The following PSME4 variants were observed in gnomAD, a reference collection of about 807,000 sequenced individuals.
The protein encoded by PSME4 is proteasome activator complex subunit 4.
A neutral mutation model predicts 253.9 loss-of-function variants in PSME4; 89 were observed. The ratio of observed to expected loss-of-function variants is 0.35; its 90% CI spans 0.30 to 0.42. PSME4 has a LOEUF of 0.42. Ranked by LOEUF, PSME4 falls within the 10% of genes least tolerant of loss-of-function variation. PSME4 has a pLI of 1.00. For missense variants in PSME4, 2,014 were observed against 2,195.2 expected, an observed-to-expected ratio of 0.92 and a Z score of 1.65; for synonymous variants, 851 against 759.2, an observed-to-expected ratio of 1.12 and a Z score of -1.99.
intron 37 of PSME4, 56 bp from the exon 38 acceptor site, chr2:53,888,868 A>C (rs1369516160): frequency 7.8e-7 from 1 of 1,280,980 alleles, no homozygotes; most frequent in Non-Finnish European, 1.1e-6. Flanking sequence ...TCTGTAAACA[A>C]ATCATACTCA....
intron 3 of PSME4, among the ~76,000 whole-genome samples, chr2:53,940,287 A>T (rs1455043683): frequency 1.3e-5 from 2 of 152,168 alleles, no homozygotes; most frequent in African/African-American, 4.8e-5. Flanking sequence ...CAAGGTAGGC[A>T]GCAATGACCA....
At chr2:53,906,131 T>G (rs1228052263) in intron 26 of PSME4, among the ~76,000 whole-genome samples, 1 of 152,212 alleles carries the variant, frequency 6.6e-6, no homozygotes, top group Non-Finnish European at 1.5e-5. Flanking sequence ...GATAATCTCT[T>G]GTTCCTACAC....
At chr2:53,929,441 C>T (rs779088408) in intron 10 of PSME4, among the ~76,000 whole-genome samples, 1 of 151,958 alleles carries the variant, frequency 6.6e-6, no homozygotes, top group South Asian at 2.1e-4. Context: ...TACTGGCAAA[C>T]GTTACCACTC....
intron 3 of PSME4, among the ~76,000 whole-genome samples, chr2:53,945,161 C>T (rs1022012070): frequency 1.3e-5 from 2 of 152,028 alleles, no homozygotes; most frequent in African/African-American, 4.8e-5. Context: ...AAAAGCATAC[C>T]TATGCATAAT....
chr2:53,948,416 C>G lies in PSME4; in HGVS notation c.500+5G>C, dbSNP rs1216752423. On this transcript the variant is annotated splice_donor_5th_base_variant and intron_variant, in intron 3 of 46. Transcript: ENST00000404125. ...CAAATAAGTGCTTTAAATGGAAATA[C>G]TTACTTAGGAAACCAATTTAATCCT... is the stretch of plus-strand genomic sequence containing the variant. 1 of 1,575,772 alleles carries G rather than the reference C, an allele frequency of 6.3e-7. No individual in the cohort carries two copies. Among genetic ancestry groups the G allele is most frequent in the Non-Finnish European group, 8.7e-7 (1 of 1,146,040 alleles).
intron 1 of PSME4, among the ~76,000 whole-genome samples, chr2:53,958,665 C>G (rs1168951391): frequency 1.3e-5 from 2 of 151,512 alleles, no homozygotes; most frequent in East Asian, 3.9e-4. Context: ...GAATCTAGAT[C>G]AAAAGAATAG....
At chr2:53,881,334 A>G (rs1459287698) in intron 41 of PSME4, 1 of 152,190 alleles carries the variant, frequency 6.6e-6, no homozygotes, top group Non-Finnish European at 1.5e-5. Context: ...GATTTTGATG[A>G]GCATTTTCTG....
rs576257567 is a variant in PSME4, at chr2:53,961,687, G to T, written c.242+8856C>A. 2.0e-5 allele frequency among the ~76,000 whole-genome samples: 3 copies of T among 152,148 alleles called. No individual in the cohort carries two copies. The East Asian group carries it at 5.8e-4, about 29-fold the overall frequency. ...AGCAAGACTGTCTAAAAATAAGGGG[G>T]GGAAGGGGGATGTTTGAAATGCTCA... On this transcript the variant is annotated intron_variant, in intron 1 of 46. Transcript: ENST00000404125.
intron 1 of PSME4, among the ~76,000 whole-genome samples, chr2:53,954,349 AAG>A (rs1316088158): frequency 6.6e-6 from 1 of 151,746 alleles, no homozygotes; most frequent in Non-Finnish European, 1.5e-5. Context: ...GAAAGAAAGA[AAG>A]ACAGTGGGCT....
At chr2:53,950,915 T>C (rs1017256264) in intron 1 of PSME4, among the ~76,000 whole-genome samples, 6 of 151,816 alleles carry the variant, frequency 4.0e-5, no homozygotes, top group Non-Finnish European at 8.8e-5. Flanking sequence ...ATTTAAGAAT[T>C]CAGAAGTAAC....
At chr2:53,875,528 A>G in intron 42 of PSME4, 99 bp downstream of exon 42, 1 of 1,207,034 alleles carries the variant, frequency 8.3e-7, no homozygotes. Flanking sequence ...AAAATTCAAA[A>G]CAAAAACTAG....
chr2:53,878,683 C>T (rs554067588), intron 41 of PSME4, among the ~76,000 whole-genome samples: 76 of 152,322 alleles, frequency 5.0e-4, no homozygotes, highest in African/African-American at 1.5e-3. Flanking sequence ...AAATAAGCCC[C>T]GGTCTCCCGT....
Position 53,936,932 on chromosome 2 carries a change from G to A in PSME4, c.696-105C>T, listed in dbSNP as rs866779267. 2.2e-4 allele frequency: 161 copies of A among 728,024 alleles called. 2 individuals are homozygous for A. In the Middle Eastern group the frequency reaches 4.5e-3, roughly 20 times the overall value. 45.1% of individuals were successfully genotyped at this position (728,024 alleles called of 1,614,324 possible). A position where few individuals can be genotyped will look rare whatever the true frequency, so the allele number is the denominator to read the frequency against. On this transcript the variant is annotated intron_variant, in intron 5 of 46. Coordinates refer to ENST00000404125, the MANE Select transcript of PSME4 (RefSeq NM_014614.3). Reference sequence around the variant, plus strand: ...ATCTATTATTCTTACTGATAACTACGTTAACTAGAAAAAACAATACTGAAG... The same window carrying A: ...ATCTATTATTCTTACTGATAACTACATTAACTAGAAAAAACAATACTGAAG...
chr2:53,923,698 G>C (rs186059090), intron 14 of PSME4, among the ~76,000 whole-genome samples: 2 of 152,192 alleles, frequency 1.3e-5, no homozygotes, highest in African/African-American at 4.8e-5. Flanking sequence ...TGAGGCAGGA[G>C]CATCACTTGA....
intron 41 of PSME4, among the ~76,000 whole-genome samples, chr2:53,883,322 C>A (rs1165149036): frequency 1.3e-5 from 2 of 152,098 alleles, no homozygotes; most frequent in Admixed American, 1.3e-4. Flanking sequence ...CAACATGAGA[C>A]CCCATCTCTA....
chr2:53,880,537 A>T (rs997149127), intron 41 of PSME4, among the ~76,000 whole-genome samples: 1 of 152,246 alleles, frequency 6.6e-6, no homozygotes. Context: ...CAGAGGTTCC[A>T]TCAACAGAAA....
chr2:53,934,081 G>A (rs1350496900), intron 8 of PSME4, among the ~76,000 whole-genome samples: 1 of 152,134 alleles, frequency 6.6e-6, no homozygotes, highest in Non-Finnish European at 1.5e-5. Flanking sequence ...ATTATAATAG[G>A]AAGCTGTTCT....
intron 27 of PSME4, among the ~76,000 whole-genome samples, chr2:53,903,497 A>G (rs917934694): frequency 2.6e-5 from 4 of 152,136 alleles, no homozygotes; most frequent in African/African-American, 9.7e-5. Flanking sequence ...AGGATGTAGT[A>G]TTTGCCTTAT....
chr2:53,940,109 T>A, intron 3 of PSME4, 109 bp from the exon 4 acceptor site: 1 of 835,016 alleles, frequency 1.2e-6, no homozygotes, highest in Non-Finnish European at 1.8e-6. Flanking sequence ...TATTATTTGT[T>A]TACATGTAAT....
Sources: gnomAD v4.1 joint callset for allele counts (sites outside exome capture counted in the v4.1 genomes callset) on GRCh38, gnomAD v4.1.1 for gene constraint, MANE v1.5 for transcripts, NCBI Gene and HGNC (gene_info 2026-07-23, HGNC 2026-07-21) for gene names.